CNTNAP2: variants seen among roughly 807,000 people sequenced by gnomAD.
CNTNAP2 encodes the protein contactin associated protein 2.
CNTNAP2 carries 98 observed loss-of-function variants against 155.2 expected under a neutral mutation model. That is an observed-to-expected ratio of 0.63 (90% CI 0.54 to 0.75). CNTNAP2 has a LOEUF of 0.75. Ranked by LOEUF, CNTNAP2 falls within the 30% of genes least tolerant of loss-of-function variation. CNTNAP2 has a pLI of 0.00. For missense variants in CNTNAP2, 1,727 were observed against 1,688.1 expected (o/e 1.02, Z -0.40); for synonymous variants, 651 against 631.2 (o/e 1.03, Z -0.47).
At chr7:147,316,482 TTAAG>T (rs1469534284) in intron 9 of CNTNAP2, among the ~76,000 whole-genome samples, 3 of 152,254 alleles carry the variant, frequency 2.0e-5, no homozygotes, top group East Asian at 1.9e-4. Context: ...AGCTAAGTGA[TTAAG>T]TAGTATAAGA....
intron 13 of CNTNAP2, chr7:147,894,138 C>G (rs1391091275): frequency 1.3e-5 from 2 of 152,166 alleles, no homozygotes; most frequent in Admixed American, 1.3e-4. Flanking sequence ...AGGACATTTG[C>G]ACTGGAAGGA....
At chr7:146,492,826 G>T (rs1797160357) in intron 1 of CNTNAP2, among the ~76,000 whole-genome samples, 1 of 151,904 alleles carries the variant, frequency 6.6e-6, no homozygotes, top group Admixed American at 6.6e-5. Context: ...TTCCTTTTGT[G>T]GCAAAAGCAG....
chr7:148,310,564 ACT>A (rs749849210), intron 21 of CNTNAP2, among the ~76,000 whole-genome samples: 146 of 152,024 alleles, frequency 9.6e-4, no homozygotes, highest in Non-Finnish European at 1.6e-3. Flanking sequence ...TAGTGGAATA[ACT>A]CTTTTTTGTC....
chr7:147,207,831 G>T (rs905041448), intron 8 of CNTNAP2, among the ~76,000 whole-genome samples: 5 of 152,044 alleles, frequency 3.3e-5, no homozygotes, highest in African/African-American at 1.2e-4. Context: ...CTATTCTAAA[G>T]ATCTCATTCA....
At chr7:147,866,752 T>TC (rs1393027457) in intron 13 of CNTNAP2, among the ~76,000 whole-genome samples, 1 of 87,744 alleles carries the variant, frequency 1.1e-5, no homozygotes, top group Non-Finnish European at 2.5e-5. Context: ...CAACCCCTGT[T>TC]TTTTTTTTGT....
chr7:148,022,531 G>A (rs567151775), intron 15 of CNTNAP2, among the ~76,000 whole-genome samples: 3 of 152,004 alleles, frequency 2.0e-5, no homozygotes, highest in Non-Finnish European at 4.4e-5. Context: ...TGTGGCTTCT[G>A]CCTCTGGAAT....
At chr7:147,504,131 C>T (rs1382372523) in intron 11 of CNTNAP2, among the ~76,000 whole-genome samples, 2 of 152,122 alleles carry the variant, frequency 1.3e-5, no homozygotes, top group South Asian at 2.1e-4. Flanking sequence ...CAATTCCAAA[C>T]AGCCTGGAGA....
chr7:147,964,305 A>G lies in CNTNAP2; in HGVS notation c.2256-13557A>G, dbSNP rs116951766. Among the ~76,000 whole-genome samples the G allele has an allele frequency of 8.2e-3, 1,242 of 152,288 alleles. 9 individuals are homozygous for G. The highest frequency in any genetic ancestry group is 0.031 in the South Asian group (149 of 4,824). On this transcript the variant is annotated intron_variant, in intron 14 of 23. Transcript: ENST00000361727. Reference sequence around the variant, plus strand: ...AAATGTCGTCTAAGCCACCCGATCCATGGTGTCTCAATACGGCAGCCTGAG... The same window carrying G: ...AAATGTCGTCTAAGCCACCCGATCCGTGGTGTCTCAATACGGCAGCCTGAG...
chr7:147,998,897 A>C (rs186119281), intron 15 of CNTNAP2, among the ~76,000 whole-genome samples: 110 of 152,230 alleles, frequency 7.2e-4, no homozygotes, highest in Middle Eastern at 3.4e-3. Flanking sequence ...TTTAATCTTT[A>C]ATTAAAATAT....
chr7:146,249,704 A>G (rs150892875), intron 1 of CNTNAP2, among the ~76,000 whole-genome samples: 2 of 152,098 alleles, frequency 1.3e-5, no homozygotes, highest in Non-Finnish European at 2.9e-5. Context: ...TCAGAATGCT[A>G]TTTTCATTAG....
intron 18 of CNTNAP2, among the ~76,000 whole-genome samples, chr7:148,192,152 A>G (rs1174843844): frequency 6.6e-6 from 1 of 152,196 alleles, no homozygotes; most frequent in Non-Finnish European, 1.5e-5. Context: ...TTTATGGCGT[A>G]CAAGGGTAAT....
At chr7:146,872,162 ATTTTTTTTT>A (rs144291754) in intron 3 of CNTNAP2, among the ~76,000 whole-genome samples, 15 of 111,514 alleles carry the variant, frequency 1.3e-4, no homozygotes, top group Admixed American at 2.0e-4. Flanking sequence ...AAATTATTGA[ATTTTTTTTT>A]TTTTTTTTTT....
chr7:148,311,285 A>C (rs1797590599), intron 21 of CNTNAP2, among the ~76,000 whole-genome samples: 1 of 152,064 alleles, frequency 6.6e-6, no homozygotes, highest in African/African-American at 2.4e-5. Context: ...GGTGTTGCCT[A>C]GTCTGCATGT....
At chr7:146,129,209 G>A (rs1264765819) in intron 1 of CNTNAP2, among the ~76,000 whole-genome samples, 2 of 152,136 alleles carry the variant, frequency 1.3e-5, no homozygotes, top group South Asian at 2.1e-4. Flanking sequence ...AATTTAAAAT[G>A]TGTTGTTGGC....
At chr7:147,848,296 G>C (rs542413759) in intron 13 of CNTNAP2, among the ~76,000 whole-genome samples, 2 of 148,682 alleles carry the variant, frequency 1.3e-5, no homozygotes, top group Non-Finnish European at 3.0e-5. Flanking sequence ...ATATAGTCTC[G>C]TGGTGCGCCG....
intron 1 of CNTNAP2, among the ~76,000 whole-genome samples, chr7:146,545,764 AG>A (rs1218350874): frequency 6.6e-6 from 1 of 151,924 alleles, no homozygotes; most frequent in Non-Finnish European, 1.5e-5. Context: ...GTGGAAAGAC[AG>A]TGTGGCAATT....
intron 21 of CNTNAP2, among the ~76,000 whole-genome samples, chr7:148,341,693 C>T (rs1040391590): frequency 6.6e-5 from 10 of 152,102 alleles, no homozygotes; most frequent in African/African-American, 2.4e-4. Context: ...TTCACATTCC[C>T]GGATGTCTGA....
chr7:147,979,210 C>G (rs17170767), intron 15 of CNTNAP2, among the ~76,000 whole-genome samples: 16,283 of 152,126 alleles, frequency 0.11, 1,177 homozygotes, highest in African/African-American at 0.21. Context: ...AAAATGCTAC[C>G]TGTAAAATTG....
At chr7:147,395,008 C>G (rs73475243) in intron 9 of CNTNAP2, among the ~76,000 whole-genome samples, 5,038 of 151,186 alleles carry the variant, frequency 0.033, 110 homozygotes, top group South Asian at 0.045. Flanking sequence ...GGGTGGCTGA[C>G]CCTTATGCCT....
Sources: gnomAD v4.1 joint callset for allele counts (sites outside exome capture counted in the v4.1 genomes callset) on GRCh38, gnomAD v4.1.1 for gene constraint, MANE v1.5 for transcripts, NCBI Gene and HGNC (gene_info 2026-07-23, HGNC 2026-07-21) for gene names.